GRM1: variants seen among roughly 807,000 people sequenced by gnomAD.
GRM1 encodes glutamate metabotropic receptor 1.
A neutral mutation model predicts 90.9 loss-of-function variants in GRM1; 33 were observed. The ratio of observed to expected loss-of-function variants is 0.36; its 90% CI spans 0.28 to 0.49. GRM1 has a LOEUF of 0.49. Among genes scored for constraint, GRM1 ranks in the 20% least tolerant of loss-of-function variants. The pLI, the probability that GRM1 is intolerant of heterozygous loss-of-function variation, is 0.99. For synonymous variants in GRM1, 700 were observed against 613.2 expected, an observed-to-expected ratio of 1.14 and a Z score of -2.09; for missense variants, 1,190 against 1,534.3, an observed-to-expected ratio of 0.78 and a Z score of 3.75.
intron 2 of GRM1, among the ~76,000 whole-genome samples, chr6:146,301,146 T>G (rs572047990): frequency 2.0e-5 from 3 of 152,232 alleles, no homozygotes; most frequent in African/African-American, 7.2e-5. Context: ...TTAAAACATA[T>G]CCACCAAGAA....
At chr6:146,136,386 C>T (rs1776620676) in intron 1 of GRM1, among the ~76,000 whole-genome samples, 1 of 152,172 alleles carries the variant, frequency 6.6e-6, no homozygotes, top group African/African-American at 2.4e-5. Flanking sequence ...TACTAATTTA[C>T]ATCCCTACCA....
At chr6:146,329,556 T>C (rs999070012) in intron 3 of GRM1, among the ~76,000 whole-genome samples, 1 of 152,146 alleles carries the variant, frequency 6.6e-6, no homozygotes, top group Non-Finnish European at 1.5e-5. Context: ...GATGTATAGA[T>C]AGAAAGGCAC....
intron 3 of GRM1, among the ~76,000 whole-genome samples, chr6:146,322,114 A>G (rs893534247): frequency 3.3e-5 from 5 of 151,954 alleles, no homozygotes; most frequent in Non-Finnish European, 5.9e-5. Flanking sequence ...TGTTGATGCT[A>G]TTACTTTCTG....
rs566410985 is a variant in GRM1, at chr6:146,358,667, A to G, written c.1602+973A>G. ...AGAGATGCTCTGATAAGTTCACTGA[A>G]GGGTCCCCAGGGCAAGAATCCAGTC... On this transcript the variant is annotated intron_variant, in intron 5 of 7. Coordinates refer to ENST00000282753, the MANE Select transcript of GRM1 (RefSeq NM_001278064.2). Among the ~76,000 whole-genome samples the G allele has an allele frequency of 2.0e-5, 3 of 152,296 alleles. No homozygotes were observed. The East Asian group carries it at 5.8e-4, about 29-fold the overall frequency.
At chr6:146,270,912 TCTTCCTTCCTTCCTTC>T (rs35931210) in intron 2 of GRM1, among the ~76,000 whole-genome samples, 11 of 86,864 alleles carry the variant, frequency 1.3e-4, no homozygotes, top group Non-Finnish European at 2.0e-4. Context: ...TTTCTTTCTT[TCTTCCTTCCTTCCTTC>T]CTTCCTTCCT....
At chr6:146,315,179 G>C (rs1158662431) in intron 3 of GRM1, among the ~76,000 whole-genome samples, 1 of 152,110 alleles carries the variant, frequency 6.6e-6, no homozygotes, top group Non-Finnish European at 1.5e-5. Flanking sequence ...GCAAGACCCT[G>C]TCTCTCCAAA....
chr6:146,104,754 A>G (rs992693150), intron 1 of GRM1, among the ~76,000 whole-genome samples: 2 of 152,220 alleles, frequency 1.3e-5, no homozygotes, highest in African/African-American at 2.4e-5. Flanking sequence ...TACATTCATA[A>G]ATGCAACACC....
intron 1 of GRM1, among the ~76,000 whole-genome samples, chr6:146,126,539 GAACTA>G (rs1205404786): frequency 6.6e-6 from 1 of 151,992 alleles, no homozygotes; most frequent in Non-Finnish European, 1.5e-5. Flanking sequence ...AATATTCTTT[GAACTA>G]AACAATTATT....
chr6:146,433,821 C>T lies in GRM1; in HGVS notation c.2661-51C>T, dbSNP rs752211130. 7 of 1,265,480 alleles carry T rather than the reference C, an allele frequency of 5.5e-6. No individual in the cohort carries two copies. The African/African-American group carries it at 8.8e-5, about 16-fold the overall frequency. The allele number at this position is 1,265,480 out of a possible 1,614,324, so 78.4% of individuals were successfully genotyped here. Reference sequence around the variant, plus strand: ...TGCATATGTTTTCTATGTATTTTATCCTGTGTGCATGATCTATCTGCAAAT... The same window carrying T: ...TGCATATGTTTTCTATGTATTTTATTCTGTGTGCATGATCTATCTGCAAAT... On this transcript the variant is annotated intron_variant, in intron 7 of 7. Coordinates refer to ENST00000282753, the MANE Select transcript of GRM1 (RefSeq NM_001278064.2).
intron 1 of GRM1, among the ~76,000 whole-genome samples, chr6:146,042,602 C>A (rs1047166754): frequency 6.6e-6 from 1 of 151,854 alleles, no homozygotes; most frequent in Non-Finnish European, 1.5e-5. Flanking sequence ...CATTTGGTAG[C>A]CTTTATTTTC....
In GRM1 at chr6:146,399,592, C is replaced by A. The variant is rs757829503; in HGVS notation, c.2553C>A (p.Thr851=). The change falls in exon 7 of 8, where the codon ACC becomes ACA. Residue 851 remains threonine (T), a synonymous_variant. Coordinates refer to ENST00000282753, the MANE Select transcript of GRM1 (RefSeq NM_001278064.2). The surrounding 1 kb of genome is among the most constrained non-coding windows in gnomAD (Gnocchi z 5.4). The stretch of plus-strand genomic sequence containing the variant: ...AGAGGAATGTCCGCAGTGCCTTCAC[C>A]ACCTCTGATGTTGTCCGCATGCATG... ...KPERNVRSAF[T]TSDVVRMHVG... 1 of 1,614,018 alleles carries A rather than the reference C, an allele frequency of 6.2e-7. No individual in the cohort carries two copies. Among genetic ancestry groups the A allele is most frequent in the South Asian group, 1.1e-5 (1 of 91,088 alleles).
At chr6:146,289,176 G>A (rs1034598299) in intron 2 of GRM1, among the ~76,000 whole-genome samples, 3 of 152,252 alleles carry the variant, frequency 2.0e-5, no homozygotes, top group East Asian at 3.9e-4. Flanking sequence ...TCCAGAAGAA[G>A]GCTTTGTTAT....
chr6:146,202,964 G>A (rs558222200), intron 2 of GRM1, among the ~76,000 whole-genome samples: 26 of 152,236 alleles, frequency 1.7e-4, no homozygotes, highest in African/African-American at 6.0e-4. Flanking sequence ...GGGAGGCCAA[G>A]GCGGGCGGAT....
At chr6:146,221,221 T>C (rs1266896011) in intron 2 of GRM1, among the ~76,000 whole-genome samples, 1 of 152,182 alleles carries the variant, frequency 6.6e-6, no homozygotes, top group Non-Finnish European at 1.5e-5. Context: ...CTTTAAGTTC[T>C]GGGATACATG....
chr6:146,289,035 T>C (rs1437945696), intron 2 of GRM1, among the ~76,000 whole-genome samples: 1 of 152,224 alleles, frequency 6.6e-6, no homozygotes, highest in African/African-American at 2.4e-5. Flanking sequence ...TTGATATTGA[T>C]AATAAATGAC....
intron 1 of GRM1, among the ~76,000 whole-genome samples, chr6:146,147,058 A>G (rs1309267363): frequency 6.6e-6 from 1 of 152,206 alleles, no homozygotes; most frequent in Non-Finnish European, 1.5e-5. Flanking sequence ...CAGAAGCTTC[A>G]CTTGACAACT....
rs139115268 is a variant in GRM1, at chr6:146,400,564, T to C, written c.2660+865T>C. Among the ~76,000 whole-genome samples, 22 of 152,332 alleles carry C rather than the reference T, an allele frequency of 1.4e-4. No homozygotes were observed. In the East Asian group the frequency reaches 4.2e-3, roughly 29 times the overall value. On this transcript the variant is annotated intron_variant, in intron 7 of 7. Coordinates refer to ENST00000282753, the MANE Select transcript of GRM1 (RefSeq NM_001278064.2). ...GTTGTTTTTATAATAAGCACTTTCC[T>C]ATCCTTTTTCTATTTTGAGAAGAAG...
At chr6:146,225,332 G>A (rs557434006) in intron 2 of GRM1, among the ~76,000 whole-genome samples, 1 of 152,206 alleles carries the variant, frequency 6.6e-6, no homozygotes, top group Admixed American at 6.6e-5. Flanking sequence ...ACTAGTTTAG[G>A]AGAAAGACCA....
At chr6:146,269,935 C>G (rs920137723) in intron 2 of GRM1, among the ~76,000 whole-genome samples, 1 of 148,680 alleles carries the variant, frequency 6.7e-6, no homozygotes, top group African/African-American at 2.5e-5. Flanking sequence ...ACTTGCTAAA[C>G]AGGATTAAAT....
Sources: gnomAD v4.1 joint callset for allele counts (sites outside exome capture counted in the v4.1 genomes callset) on GRCh38, gnomAD v4.1.1 for gene constraint, Gnocchi (gnomAD v3.1) non-coding constraint, MANE v1.5 for transcripts, NCBI Gene and HGNC (gene_info 2026-07-23, HGNC 2026-07-21) for gene names.